KLHL2: variants seen among roughly 807,000 people sequenced by gnomAD.
KLHL2 encodes the protein kelch like family member 2, also known as kelch-like protein 2.
A neutral mutation model predicts 75.8 loss-of-function variants in KLHL2; 15 were observed. The observed-to-expected ratio is 0.20, with a 90% CI of 0.13 to 0.30. KLHL2 has a LOEUF of 0.30. Ranked by LOEUF, KLHL2 falls within the 10% of genes least tolerant of loss-of-function variation. The pLI is 1.00. For missense variants in KLHL2, 381 were observed against 741.0 expected (o/e 0.51, Z 5.64); for synonymous variants, 214 against 251.9 (o/e 0.85, Z 1.42).
At chr4:165,310,820 T>G (rs1416128746) in intron 10 of KLHL2, 70 bp downstream of exon 10, 8 of 1,287,434 alleles carry the variant, frequency 6.2e-6, no homozygotes, top group Non-Finnish European at 7.9e-6. Flanking sequence ...TGGAATAAAT[T>G]GTGGCAACAT....
At chr4:165,313,583 T>C in intron 12 of KLHL2, among the ~76,000 whole-genome samples, 1 of 152,200 alleles carries the variant, frequency 6.6e-6, no homozygotes, top group East Asian at 1.9e-4. Flanking sequence ...GACATTTCTG[T>C]TTCATTTATA....
intron 4 of KLHL2, among the ~76,000 whole-genome samples, chr4:165,261,159 A>G (rs1475099686): frequency 6.6e-6 from 1 of 152,222 alleles, no homozygotes; most frequent in Non-Finnish European, 1.5e-5. Context: ...ACTATTAAGC[A>G]TCTTGGAACG....
rs560222340 is a variant in KLHL2, at chr4:165,255,106, C to A, written c.382-8091C>A. Reference sequence around the variant, plus strand: ...AAATAAGTTGGACTTTTAAGAGAAACCTTGGGTTAAAAGTAGTAGAAGTAG... The same window carrying A: ...AAATAAGTTGGACTTTTAAGAGAAAACTTGGGTTAAAAGTAGTAGAAGTAG... On this transcript the variant is annotated intron_variant, in intron 4 of 14. Transcript: ENST00000226725. Among the ~76,000 whole-genome samples the A allele has an allele frequency of 3.8e-3, 578 of 152,282 alleles. 1 individual carries two copies. Among genetic ancestry groups the A allele is most frequent in the South Asian group, 0.021 (100 of 4,822 alleles).
chr4:165,299,417 C>A (rs1745180648), intron 7 of KLHL2, 90 bp from the exon 8 acceptor site: 9 of 1,214,660 alleles, frequency 7.4e-6, no homozygotes, highest in Non-Finnish European at 1.0e-5. Flanking sequence ...ATAGTTACTG[C>A]TTTTTTCCTC....
At chr4:165,264,585 C>CATATATATATATATATATAT (rs55960426) in intron 5 of KLHL2, among the ~76,000 whole-genome samples, 5 of 129,394 alleles carry the variant, frequency 3.9e-5, no homozygotes, top group African/African-American at 1.5e-4. Flanking sequence ...AGTATTCCAT[C>CATATATATATATATATATAT]ATATATATAT....
At chr4:165,304,925 G>C (rs1745611669) in intron 8 of KLHL2, among the ~76,000 whole-genome samples, 1 of 152,170 alleles carries the variant, frequency 6.6e-6, no homozygotes, top group Admixed American at 6.5e-5. Context: ...TTAGTAAATA[G>C]TTGTTGGATT....
rs2126561207 is a variant in KLHL2 at position 165,310,458 on chromosome 4, C to T, written c.1040-95C>T. 3.8e-6 allele frequency: 4 copies of T among 1,044,348 alleles called. No homozygotes were observed. In the South Asian group the frequency reaches 3.8e-5, roughly 10 times the overall value. The allele number at this position is 1,044,348 out of a possible 1,614,324, so 64.7% of individuals were successfully genotyped here. ...AGGCTCCTCCTAAGAGTAGCATGTT[C>T]TGACAACAGCTATAGATTTATCAGA... On this transcript the variant is annotated intron_variant, in intron 9 of 14. Transcript: ENST00000226725.
intron 12 of KLHL2, 63 bp downstream of exon 12, chr4:165,313,429 T>A: frequency 7.4e-7 from 1 of 1,359,754 alleles, no homozygotes; most frequent in Non-Finnish European, 9.7e-7. Context: ...TAAAGTAAAA[T>A]GATTCAGTGG....
intron 3 of KLHL2, among the ~76,000 whole-genome samples, chr4:165,232,173 G>A (rs1290487803): frequency 6.6e-6 from 1 of 151,884 alleles, no homozygotes; most frequent in East Asian, 1.9e-4. Context: ...ATAAGATAAA[G>A]GCCACTTTGG....
intron 5 of KLHL2, 85 bp downstream of exon 5, chr4:165,263,444 T>A (rs1405837092): frequency 6.4e-7 from 1 of 1,556,106 alleles, no homozygotes; most frequent in Non-Finnish European, 8.7e-7. Context: ...GAAAGTCATG[T>A]CATATTTCTG....
At chr4:165,282,998 G>A (rs1214813490) in intron 5 of KLHL2, among the ~76,000 whole-genome samples, 1 of 151,990 alleles carries the variant, frequency 6.6e-6, no homozygotes, top group African/African-American at 2.4e-5. Flanking sequence ...GGCAAAGAGA[G>A]CTTGTACAAG....
intron 5 of KLHL2, among the ~76,000 whole-genome samples, chr4:165,274,969 C>T (rs1386357534): frequency 6.6e-6 from 1 of 152,190 alleles, no homozygotes; most frequent in Non-Finnish European, 1.5e-5. Context: ...CAGCCTGTCG[C>T]ACTGACCACC....
intron 5 of KLHL2, among the ~76,000 whole-genome samples, chr4:165,270,845 G>T (rs1219666393): frequency 6.6e-6 from 1 of 152,194 alleles, no homozygotes; most frequent in Admixed American, 6.5e-5. Context: ...GAGAACCACT[G>T]CTCTCTTCAG....
At chr4:165,239,318 T>C (rs1362361671) in intron 4 of KLHL2, among the ~76,000 whole-genome samples, 5 of 151,036 alleles carry the variant, frequency 3.3e-5, no homozygotes, top group Admixed American at 2.0e-4. Flanking sequence ...GGGTGGTGTG[T>C]GGTGGTGTGA....
At chr4:165,297,869 G>A in intron 7 of KLHL2, 144 bp downstream of exon 7, 6 of 639,278 alleles carry the variant, frequency 9.4e-6, no homozygotes, top group South Asian at 8.9e-5. Flanking sequence ...GACCCCGCAG[G>A]CTGGAGTGCA....
At chr4:165,246,782 A>AGTG (rs1436450479) in intron 4 of KLHL2, among the ~76,000 whole-genome samples, 3 of 152,152 alleles carry the variant, frequency 2.0e-5, no homozygotes, top group Non-Finnish European at 4.4e-5. Context: ...TGGGCTTACA[A>AGTG]GTGGAGATGC....
intron 9 of KLHL2, among the ~76,000 whole-genome samples, chr4:165,309,973 TG>T (rs113229708): frequency 0.25 from 38,131 of 151,986 alleles, 5,430 homozygotes; most frequent in Non-Finnish European, 0.34. Flanking sequence ...TATTTAAGCT[TG>T]TAAATTGATA....
At chr4:165,213,331 A>G (rs957794753) in intron 1 of KLHL2, among the ~76,000 whole-genome samples, 2 of 152,216 alleles carry the variant, frequency 1.3e-5, no homozygotes, top group African/African-American at 4.8e-5. Flanking sequence ...GTGACTTATC[A>G]AAACCAGAGA....
At chr4:165,264,721 C>CATATATATATATATATATGTATAT (rs1204037642) in intron 5 of KLHL2, among the ~76,000 whole-genome samples, 1 of 71,198 alleles carries the variant, frequency 1.4e-5, no homozygotes, top group African/African-American at 4.8e-5. Context: ...TATATATATA[C>CATATATATATATATATATGTATAT]ATATATATAT....
Sources: gnomAD v4.1 joint callset for allele counts (sites outside exome capture counted in the v4.1 genomes callset) on GRCh38, gnomAD v4.1.1 for gene constraint, MANE v1.5 for transcripts, NCBI Gene and HGNC (gene_info 2026-07-23, HGNC 2026-07-21) for gene names.